TM9SF2: variants seen among roughly 807,000 people sequenced by gnomAD.
TM9SF2 encodes transmembrane 9 superfamily member 2.
A neutral mutation model predicts 84.9 loss-of-function variants in TM9SF2; 13 were observed. The observed-to-expected ratio is 0.15, with a 90% CI of 0.10 to 0.24. TM9SF2 has a LOEUF of 0.24. Ranked by LOEUF, TM9SF2 falls within the 10% of genes least tolerant of loss-of-function variation. The probability of loss-of-function intolerance (pLI) is 1.00; values close to 1 mark genes in which losing one functional copy is unlikely to be tolerated. For missense variants in TM9SF2, 562 were observed against 818.5 expected (o/e 0.69, Z 3.82); for synonymous variants, 273 against 285.8 (o/e 0.96, Z 0.45).
At chr13:99,506,249 G>T (rs2046088197) in intron 1 of TM9SF2, among the ~76,000 whole-genome samples, 2 of 152,098 alleles carry the variant, frequency 1.3e-5, no homozygotes, top group Non-Finnish European at 2.9e-5. Context: ...GTTTTAATTT[G>T]ACCATAGAAG....
intron 1 of TM9SF2, among the ~76,000 whole-genome samples, chr13:99,510,237 C>G (rs7330640): frequency 0.025 from 3,774 of 152,296 alleles, 164 homozygotes; most frequent in African/African-American, 0.086. Flanking sequence ...ACCATTTAAA[C>G]AGTCTCTTAA....
intron 8 of TM9SF2, 67 bp downstream of exon 8, chr13:99,540,860 A>G: frequency 7.4e-7 from 1 of 1,342,818 alleles, no homozygotes; most frequent in Non-Finnish European, 1.1e-6. Context: ...TGAACATCTC[A>G]TTTACTCTCA....
chr13:99,530,857 A>G lies in TM9SF2; in HGVS notation c.461+1263A>G, dbSNP rs578151121. ...TATACTTATTATACAATATTCAAACATAGAATTTTTTTTTTTTTTCTGAGA... is the reference window on the plus strand; with the variant it reads ...TATACTTATTATACAATATTCAAACGTAGAATTTTTTTTTTTTTTCTGAGA... On this transcript the variant is annotated intron_variant, in intron 4 of 16. Coordinates refer to ENST00000376387, the MANE Select transcript of TM9SF2 (RefSeq NM_004800.3). Among the ~76,000 whole-genome samples the G allele has an allele frequency of 3.6e-3, 376 of 104,092 alleles. 3 individuals carry two copies. Among genetic ancestry groups the G allele is most frequent in the African/African-American group, 0.012 (358 of 28,996 alleles). 68.3% of individuals were successfully genotyped at this position (104,092 alleles called of 152,430 possible). A position where few individuals can be genotyped will look rare whatever the true frequency, so the allele number is the denominator to read the frequency against.
intron 1 of TM9SF2, among the ~76,000 whole-genome samples, chr13:99,506,630 A>G (rs1307432341): frequency 3.3e-5 from 5 of 152,258 alleles, no homozygotes; most frequent in South Asian, 2.1e-4. Flanking sequence ...ACAAAAGTCT[A>G]TGAATAAAAT....
At chr13:99,527,185 G>A (rs1190709120) in intron 3 of TM9SF2, among the ~76,000 whole-genome samples, 1 of 152,192 alleles carries the variant, frequency 6.6e-6, no homozygotes, top group Non-Finnish European at 1.5e-5. Flanking sequence ...TGGACTTCTG[G>A]TGGTGACTAA....
chr13:99,563,915 C>G lies in TM9SF2; in HGVS notation c.*1157C>G, dbSNP rs1190113940. 1 of 152,162 alleles carries G rather than the reference C, an allele frequency of 6.6e-6. No homozygotes were observed. Among genetic ancestry groups the G allele is most frequent in the Non-Finnish European group, 1.5e-5 (1 of 68,038 alleles). The allele number at this position is 152,162 out of a possible 1,614,324, so 9.4% of individuals were successfully genotyped here. A position where few individuals can be genotyped will look rare whatever the true frequency, so the allele number is the denominator to read the frequency against. ...TTCTGAAGTATCGGTCTGCTTGTAT[C>G]TGTGAGCATATTCATTTGTATTTTA... On this transcript the variant is annotated 3_prime_UTR_variant, in exon 17 of 17. Transcript: ENST00000376387.
chr13:99,504,786 G>A (rs2046081660), intron 1 of TM9SF2, among the ~76,000 whole-genome samples: 2 of 151,992 alleles, frequency 1.3e-5, no homozygotes, highest in African/African-American at 2.4e-5. Flanking sequence ...TATTTTACAT[G>A]TGCGTGCATT....
At chr13:99,545,726 C>A (rs1198775747) in intron 10 of TM9SF2, among the ~76,000 whole-genome samples, 1 of 152,112 alleles carries the variant, frequency 6.6e-6, no homozygotes, top group Non-Finnish European at 1.5e-5. Flanking sequence ...GCCACCACGC[C>A]TGGCTGATTT....
intron 1 of TM9SF2, among the ~76,000 whole-genome samples, chr13:99,504,001 A>C (rs1020784513): frequency 2.0e-5 from 3 of 152,240 alleles, no homozygotes; most frequent in African/African-American, 7.2e-5. Context: ...AATGGAAACA[A>C]CTCTTAGAAG....
chr13:99,558,378 TATG>T (rs2046332474), intron 15 of TM9SF2, among the ~76,000 whole-genome samples: 1 of 152,264 alleles, frequency 6.6e-6, no homozygotes, highest in African/African-American at 2.4e-5. Flanking sequence ...TTATTGGAAT[TATG>T]ATAGGGATTA....
chr13:99,520,161 A>C (rs778454978), intron 3 of TM9SF2, 32 bp downstream of exon 3: 1 of 1,550,862 alleles, frequency 6.4e-7, no homozygotes, highest in South Asian at 1.2e-5. Flanking sequence ...ATAATTATTT[A>C]CTTACAGCTT....
intron 14 of TM9SF2, 22 bp downstream of exon 14, chr13:99,554,477 C>T (rs1200061214): frequency 6.2e-7 from 1 of 1,607,830 alleles, no homozygotes; most frequent in East Asian, 2.2e-5. Flanking sequence ...ATAAAGTCCT[C>T]TCATTCTCAT....
chr13:99,529,722 A>G (rs1447796912), intron 4 of TM9SF2, 128 bp downstream of exon 4: 1 of 1,024,608 alleles, frequency 9.8e-7, no homozygotes, highest in South Asian at 2.3e-5. Flanking sequence ...TTTTGTTACT[A>G]GTGGTCGTAG....
chr13:99,509,993 T>C (rs1187494448), intron 1 of TM9SF2, among the ~76,000 whole-genome samples: 3 of 152,250 alleles, frequency 2.0e-5, no homozygotes, highest in South Asian at 2.1e-4. Flanking sequence ...GCAGCCAGGT[T>C]ACCTCTTGAA....
chr13:99,549,259 G>A (rs1377400867), intron 12 of TM9SF2, 37 bp downstream of exon 12: 2 of 1,570,460 alleles, frequency 1.3e-6, no homozygotes, highest in Admixed American at 1.7e-5. Flanking sequence ...TCTTAACATA[G>A]TTACATGTTA....
At chr13:99,525,203 G>A (rs1000095799) in intron 3 of TM9SF2, among the ~76,000 whole-genome samples, 2 of 152,100 alleles carry the variant, frequency 1.3e-5, no homozygotes, top group African/African-American at 2.4e-5. Flanking sequence ...GAAAAAGAGT[G>A]GAAACTGGAG....
At chr13:99,557,005 C>T (rs1277594026) in intron 15 of TM9SF2, among the ~76,000 whole-genome samples, 1 of 152,134 alleles carries the variant, frequency 6.6e-6, no homozygotes, top group Non-Finnish European at 1.5e-5. Context: ...CATTCATGTA[C>T]AAGTGTTCGT....
At chr13:99,515,041 A>T (rs1449799388) in intron 1 of TM9SF2, among the ~76,000 whole-genome samples, 1 of 152,226 alleles carries the variant, frequency 6.6e-6, no homozygotes. Context: ...CTAGCTTCAG[A>T]GTCTTGCTTC....
At chr13:99,528,267 A>C (rs1361010176) in intron 3 of TM9SF2, among the ~76,000 whole-genome samples, 1 of 152,236 alleles carries the variant, frequency 6.6e-6, no homozygotes, top group African/African-American at 2.4e-5. Flanking sequence ...TCCGGAGCTC[A>C]ACTCACTTGG....
Sources: allele counts gnomAD v4.1 joint callset (sites outside exome capture counted in the v4.1 genomes callset), GRCh38; gene constraint gnomAD v4.1.1; transcripts MANE v1.5; gene names NCBI Gene and HGNC (gene_info 2026-07-23, HGNC 2026-07-21).